The following ZCWPW2 variants were observed in gnomAD, a reference collection of about 807,000 sequenced individuals.
ZCWPW2 encodes the protein zinc finger CW-type PWWP domain protein 2.
In ZCWPW2, 45 loss-of-function variants were observed where a neutral mutation model predicts 46.6. The ratio of observed to expected loss-of-function variants is 0.96; its 90% CI spans 0.76 to 1.24. The LOEUF (loss-of-function observed/expected upper bound fraction) is 1.24, where lower values mean the gene tolerates loss of function less well. Ranked by LOEUF, ZCWPW2 falls within the 50% of genes most tolerant of loss-of-function variation. The pLI, the probability that ZCWPW2 is intolerant of heterozygous loss-of-function variation, is 0.00. For synonymous variants in ZCWPW2, 152 were observed against 137.1 expected (o/e 1.11, Z -0.76); for missense variants, 429 against 403.9 (o/e 1.06, Z -0.53).
chr3:28,463,016 G>A (rs1698698476), intron 4 of ZCWPW2, among the ~76,000 whole-genome samples: 1 of 152,118 alleles, frequency 6.6e-6, no homozygotes, highest in Admixed American at 6.6e-5. Flanking sequence ...CACAGCTAGG[G>A]ATTTTCTCAG....
At chr3:28,354,909 A>T (rs1339278922) in intron 1 of ZCWPW2, among the ~76,000 whole-genome samples, 1 of 127,812 alleles carries the variant, frequency 7.8e-6, no homozygotes, top group East Asian at 2.1e-4. Flanking sequence ...CTGAATGGAC[A>T]AAAACTGGAA....
chr3:28,463,591 G>A (rs543033611), intron 4 of ZCWPW2, among the ~76,000 whole-genome samples: 2 of 152,260 alleles, frequency 1.3e-5, no homozygotes, highest in South Asian at 4.1e-4. Context: ...GCATTGCAAA[G>A]TGAGGTACAA....
chr3:28,364,840 AC>A, intron 1 of ZCWPW2, among the ~76,000 whole-genome samples: 1 of 152,134 alleles, frequency 6.6e-6, no homozygotes, highest in East Asian at 1.9e-4. Context: ...TTGTTTCCTG[AC>A]TTTTAATGAT....
Position 28,435,110 on chromosome 3 carries a change from T to A in ZCWPW2, c.333T>A (p.Ser111Arg), listed in dbSNP as rs1243911533. Residue 111 changes from serine to arginine, a missense_variant and splice_region_variant, in exon 4 of 10, where the codon AGT becomes AGA. Ser to Arg is a moderately radical substitution (Grantham distance 110, BLOSUM62 -1). Transcript: ENST00000383768. ...LVLVKLQNWP[S>R]WPGILCPDRF... is the part of the protein sequence containing the mutation. ...AATTACAAATATTTTCTTTTGAAAG[T>A]TGGCCAGGAATACTTTGCCCTGACC... 6.2e-7 allele frequency: 1 copy of A among 1,605,244 alleles called. No homozygotes were observed. The highest frequency in any genetic ancestry group is 1.8e-5 in the Admixed American group (1 of 57,078).
chr3:28,441,199 A>G (rs1485074055), intron 4 of ZCWPW2, among the ~76,000 whole-genome samples: 2 of 152,200 alleles, frequency 1.3e-5, no homozygotes, highest in African/African-American at 4.8e-5. Context: ...GGCGTCACCT[A>G]TTGGTGAGCA....
At chr3:28,478,707 G>A in intron 4 of ZCWPW2, 107 bp from the exon 5 acceptor site, 3 of 497,688 alleles carry the variant, frequency 6.0e-6, no homozygotes, top group East Asian at 3.5e-5. Flanking sequence ...TAAGAAATAC[G>A]TTATACAATG....
Position 28,478,894 on chromosome 3 carries a change from G to A in ZCWPW2, c.573G>A (p.Glu191=). Residue 191 remains glutamate, a synonymous_variant, in exon 5 of 10, where the codon GAG becomes GAA. Transcript: ENST00000383768. ...EACLLYGYSH[E]QRLEMCCLSK... ...GTCTACTCTATGGATATTCTCATGA[G>A]CAAAGACTGGAAATGTGCTGCCTAT... is the stretch of plus-strand genomic sequence containing the variant. 1 of 1,587,406 alleles carries A rather than the reference G, an allele frequency of 6.3e-7. No individual in the cohort carries two copies.
chr3:28,459,374 GAAAAAAA>G (rs1358508752), intron 4 of ZCWPW2, among the ~76,000 whole-genome samples: 1 of 136,874 alleles, frequency 7.3e-6, no homozygotes, highest in African/African-American at 2.7e-5. Context: ...TGTCTCCAAA[GAAAAAAA>G]AAAACAAAAA....
chr3:28,420,633 C>T (rs1447349371), intron 3 of ZCWPW2, among the ~76,000 whole-genome samples: 1 of 150,834 alleles, frequency 6.6e-6, no homozygotes, highest in Non-Finnish European at 1.5e-5. Context: ...ATTTTCTCAA[C>T]TTGAACTTTC....
In ZCWPW2 at chr3:28,428,500, T is replaced by C. The variant is rs1198093965; in HGVS notation, c.333-6610T>C. The C allele has an allele frequency of 2.0e-5, 3 of 152,202 alleles. No homozygotes were observed. In the East Asian group the frequency reaches 5.8e-4, roughly 29 times the overall value. The allele number at this position is 152,202 out of a possible 1,614,324, so 9.4% of individuals were successfully genotyped here. ...CACCCATGTCACCACATCCTGGCAG[T>C]AGAGTTGGGACTCATCAACTTCCTA... On this transcript the variant is annotated intron_variant, in intron 3 of 9. Coordinates refer to ENST00000383768, the MANE Select transcript of ZCWPW2 (RefSeq NM_001040432.4).
At chr3:28,416,750 C>T (rs1168810904) in intron 3 of ZCWPW2, among the ~76,000 whole-genome samples, 16 of 69,228 alleles carry the variant, frequency 2.3e-4, no homozygotes, top group Admixed American at 1.8e-4. Context: ...TGTCAAAGGC[C>T]TTTTCTGCAT....
intron 1 of ZCWPW2, among the ~76,000 whole-genome samples, chr3:28,382,733 G>A (rs1219967893): frequency 6.6e-6 from 1 of 152,038 alleles, no homozygotes; most frequent in Non-Finnish European, 1.5e-5. Flanking sequence ...AGGAAAGCTG[G>A]ATCCTTCTGT....
Position 28,413,298 on chromosome 3 carries a change from A to T in ZCWPW2, c.230A>T (p.Asp77Val). The T allele has an allele frequency of 6.2e-7, 1 of 1,613,232 alleles. No individual in the cohort carries two copies. Among genetic ancestry groups the T allele is most frequent in the Non-Finnish European group, 8.5e-7 (1 of 1,179,488 alleles). The stretch of plus-strand genomic sequence containing the variant: ...AATAACTGCTCAATTTCTGAAGAAG[A>T]CTTCCCTGAAGAGTCTCAGCTTCAT... ...RYNNCSISEEDFPEESQLHQC... is the reference protein window; with the variant it reads ...RYNNCSISEEVFPEESQLHQC... The change falls in exon 3 of 10, where the codon GAC (aspartate) becomes GTC (valine). Residue 77 changes from aspartate to valine, a missense_variant. Transcript: ENST00000383768.
rs116526159 is a variant in ZCWPW2 at position 28,473,043 on chromosome 3, C to T, written c.493-5771C>T. Among the ~76,000 whole-genome samples the T allele has an allele frequency of 2.1e-3, 322 of 152,242 alleles. 3 individuals are homozygous for T. Among genetic ancestry groups the T allele is most frequent in the Admixed American group, 3.7e-3 (57 of 15,284 alleles). ...ACTACAATGAGATATTATTTTACCC[C>T]AGTTAAAGTGGCTTATATCCAAAAG... is the stretch of plus-strand genomic sequence containing the variant. On this transcript the variant is annotated intron_variant, in intron 4 of 9. Transcript: ENST00000383768.
At chr3:28,455,942 G>A (rs140209323) in intron 4 of ZCWPW2, among the ~76,000 whole-genome samples, 294 of 152,112 alleles carry the variant, frequency 1.9e-3, no homozygotes, top group African/African-American at 6.6e-3. Context: ...TGTTCTTTTC[G>A]CTTAGGATTG....
intron 4 of ZCWPW2, among the ~76,000 whole-genome samples, chr3:28,458,877 C>T (rs539622714): frequency 4.6e-5 from 7 of 152,252 alleles, no homozygotes; most frequent in Admixed American, 6.5e-5. Context: ...TTTGAAGGCT[C>T]TTCATGTTGT....
chr3:28,389,710 A>C (rs1005527800), intron 1 of ZCWPW2, among the ~76,000 whole-genome samples: 1 of 152,132 alleles, frequency 6.6e-6, no homozygotes, highest in African/African-American at 2.4e-5. Context: ...ATAGGACATG[A>C]TATATTTATA....
chr3:28,433,514 C>T (rs1466199279), intron 3 of ZCWPW2, among the ~76,000 whole-genome samples: 2 of 152,124 alleles, frequency 1.3e-5, no homozygotes, highest in Non-Finnish European at 2.9e-5. Flanking sequence ...TGCCTGTAAT[C>T]CCAGCACTCT....
chr3:28,372,685 T>G (rs1705374478), intron 1 of ZCWPW2, among the ~76,000 whole-genome samples: 1 of 152,172 alleles, frequency 6.6e-6, no homozygotes, highest in African/African-American at 2.4e-5. Context: ...ATATATTGCC[T>G]AGCTTTGATG....
Sources: gnomAD v4.1 joint callset for allele counts (sites outside exome capture counted in the v4.1 genomes callset) on GRCh38, gnomAD v4.1.1 for gene constraint, MANE v1.5 for transcripts, NCBI Gene and HGNC (gene_info 2026-07-23, HGNC 2026-07-21) for gene names.